PTPRA: variants seen among roughly 807,000 people sequenced by gnomAD.
PTPRA encodes the protein receptor-type tyrosine-protein phosphatase alpha.
A neutral mutation model predicts 104.8 loss-of-function variants in PTPRA; 25 were observed. The ratio of observed to expected loss-of-function variants is 0.24; its 90% confidence interval spans 0.17 to 0.33. The LOEUF is 0.33. Among genes scored for constraint, PTPRA ranks in the 10% least tolerant of loss-of-function variants. The pLI is 1.00. For missense variants in PTPRA, 765 were observed against 1,015.3 expected, an observed-to-expected ratio of 0.75 and a Z score of 3.35; for synonymous variants, 323 against 368.9, an observed-to-expected ratio of 0.88 and a Z score of 1.43.
chr20:3,011,407 C>G (rs2064162773), intron 11 of PTPRA, among the ~76,000 whole-genome samples: 1 of 152,200 alleles, frequency 6.6e-6, no homozygotes. Context: ...ATATACTACA[C>G]AGGTAGTTAG....
chr20:2,922,350 G>C (rs1022911464), intron 1 of PTPRA, among the ~76,000 whole-genome samples: 3 of 152,004 alleles, frequency 2.0e-5, no homozygotes, highest in Non-Finnish European at 4.4e-5. Flanking sequence ...TTGATTGATT[G>C]ATTGATTGAG....
At chr20:2,961,908 C>T (rs1042374150) in intron 3 of PTPRA, among the ~76,000 whole-genome samples, 2 of 152,140 alleles carry the variant, frequency 1.3e-5, no homozygotes, top group Non-Finnish European at 2.9e-5. Flanking sequence ...TGTCAGTTGA[C>T]TATATTTATG....
At chr20:3,034,283 A>C (rs1467836014) in intron 20 of PTPRA, among the ~76,000 whole-genome samples, 1 of 152,196 alleles carries the variant, frequency 6.6e-6, no homozygotes, top group Admixed American at 6.5e-5. Context: ...AAGAAAAAAA[A>C]AATGAGACTC....
chr20:3,022,894 C>T lies in PTPRA; in HGVS notation c.1464+70C>T. The T allele has an allele frequency of 6.3e-7, 1 of 1,595,856 alleles. No homozygotes were observed. On this transcript the variant is annotated intron_variant, in intron 16 of 23. Coordinates refer to ENST00000399903, the MANE Select transcript of PTPRA (RefSeq NM_001385305.1). This position sits in a 1 kb window ranked among gnomAD's most constrained non-coding sequence, Gnocchi z 4.6. ...AAAACATCTGCCCACATTGAGGATTCACTCAGTCTCACAGGTTATTGTAAA... is the reference window on the plus strand; with the variant it reads ...AAAACATCTGCCCACATTGAGGATTTACTCAGTCTCACAGGTTATTGTAAA...
At chr20:2,945,641 A>G (rs1475358528) in intron 2 of PTPRA, among the ~76,000 whole-genome samples, 1 of 151,326 alleles carries the variant, frequency 6.6e-6, no homozygotes, top group Non-Finnish European at 1.5e-5. Flanking sequence ...TTATTTATTT[A>G]TTATAGGCCG....
Position 3,030,922 on chromosome 20 carries a change from C to T in PTPRA, c.1920+3081C>T, listed in dbSNP as rs143487623. ...CTCAAACTCCTGACCCCAAGTGATC[C>T]GCCCGCCTTAGCCTCCCAGAGTGCT... On this transcript the variant is annotated intron_variant, in intron 20 of 23. Transcript: ENST00000399903. Among the ~76,000 whole-genome samples, 489 of 152,130 alleles carry T rather than the reference C, an allele frequency of 3.2e-3. 10 individuals carry two copies. Among genetic ancestry groups the T allele is most frequent in the South Asian group, 0.028 (137 of 4,818 alleles).
intron 9 of PTPRA, among the ~76,000 whole-genome samples, chr20:3,004,745 C>T (rs1289112216): frequency 6.6e-6 from 1 of 152,168 alleles, no homozygotes; most frequent in African/African-American, 2.4e-5. Context: ...AAGGGTAGGC[C>T]CTTTTGGCCC....
chr20:3,007,049 C>T (rs1194295175), intron 10 of PTPRA, among the ~76,000 whole-genome samples: 1 of 152,164 alleles, frequency 6.6e-6, no homozygotes, highest in African/African-American at 2.4e-5. Context: ...ACACATTTCT[C>T]TCTTTTAATA....
chr20:2,970,853 A>G (rs1323361593), intron 5 of PTPRA, among the ~76,000 whole-genome samples: 1 of 151,992 alleles, frequency 6.6e-6, no homozygotes, highest in Non-Finnish European at 1.5e-5. Context: ...TCTCGAATTT[A>G]TTCTGATGCA....
intron 1 of PTPRA, among the ~76,000 whole-genome samples, chr20:2,907,323 A>G (rs1333011647): frequency 6.6e-6 from 1 of 151,824 alleles, no homozygotes; most frequent in Non-Finnish European, 1.5e-5. Flanking sequence ...AAAAAAAAAA[A>G]GCATGATAAA....
intron 1 of PTPRA, among the ~76,000 whole-genome samples, chr20:2,915,633 T>C (rs1019606082): frequency 9.2e-5 from 14 of 152,236 alleles, no homozygotes; most frequent in Admixed American, 6.5e-4. Context: ...TAGTGTCATA[T>C]CTAAGAATCC....
intron 2 of PTPRA, among the ~76,000 whole-genome samples, chr20:2,935,494 A>G (rs1309649351): frequency 6.6e-6 from 1 of 152,228 alleles, no homozygotes; most frequent in Non-Finnish European, 1.5e-5. Flanking sequence ...TACCCATATT[A>G]GTTATATCCT....
chr20:2,977,170 G>A (rs1403659431), intron 6 of PTPRA, among the ~76,000 whole-genome samples: 2 of 151,906 alleles, frequency 1.3e-5, no homozygotes, highest in Non-Finnish European at 2.9e-5. Flanking sequence ...CAGCTACTCG[G>A]GAGGCTGAGT....
chr20:2,868,099 A>G, the PTPRA span, among the ~76,000 whole-genome samples: 2 of 152,124 alleles, frequency 1.3e-5, no homozygotes, highest in Non-Finnish European at 2.9e-5. Flanking sequence ...CTGGTTCTTC[A>G]CTGGGACCTT....
chr20:3,010,115 G>A (rs571519179), intron 11 of PTPRA, among the ~76,000 whole-genome samples: 19 of 151,970 alleles, frequency 1.3e-4, no homozygotes, highest in Admixed American at 9.2e-4. Context: ...CTCCCAAAGT[G>A]CTGGGATTAC....
chr20:2,944,455 G>T (rs1014210785), intron 2 of PTPRA, among the ~76,000 whole-genome samples: 2 of 152,144 alleles, frequency 1.3e-5, no homozygotes, highest in African/African-American at 4.8e-5. Flanking sequence ...TGTTGATTGG[G>T]CCTCTCTCTT....
chr20:2,951,786 T>C (rs1424696672), intron 3 of PTPRA, among the ~76,000 whole-genome samples: 3 of 152,244 alleles, frequency 2.0e-5, no homozygotes, highest in African/African-American at 7.2e-5. Context: ...TGCGAGTAAC[T>C]GTCTTGTCAG....
At chr20:2,878,127 G>A (rs1002713229) in intron 1 of PTPRA, among the ~76,000 whole-genome samples, 2 of 151,960 alleles carry the variant, frequency 1.3e-5, no homozygotes, top group African/African-American at 4.8e-5. Context: ...CTCCAGCCTG[G>A]CGACAGAGCG....
chr20:2,910,597 TTTG>T lies in PTPRA; in HGVS notation c.-128-12607_-128-12605del, dbSNP rs1434601837. Among the ~76,000 whole-genome samples the T allele has an allele frequency of 2.3e-3, 297 of 127,520 alleles. 17 individuals carry two copies. The highest frequency in any genetic ancestry group is 0.02 in the East Asian group (86 of 4,310). The allele number at this position is 127,520 out of a possible 152,430, so 83.7% of individuals were successfully genotyped here. The stretch of plus-strand genomic sequence containing the variant: ...CAGCTAGTTTTTTTTTTGTTTTTTT[TTTG>T]TTTTTTTTAATTTTTTTTTTTTTTT... On this transcript the variant is annotated intron_variant, in intron 1 of 23. Transcript: ENST00000399903.
Sources: allele counts gnomAD v4.1 joint callset (sites outside exome capture counted in the v4.1 genomes callset), GRCh38; gene constraint gnomAD v4.1.1; non-coding constraint Gnocchi (gnomAD v3.1); transcripts MANE v1.5; gene names NCBI Gene and HGNC (gene_info 2026-07-23, HGNC 2026-07-21).